Variants in ARL3 observed in about 807,000 individuals in gnomAD.
ARL3 encodes the protein ARF like GTPase 3.
Under a neutral mutation model 26.0 loss-of-function variants are expected in ARL3, and 9 were observed. That is an observed-to-expected ratio of 0.35 (90% CI 0.21 to 0.60). ARL3 has a LOEUF of 0.60. ARL3 is among the 20% of genes least tolerant of loss of function. The pLI, the probability that ARL3 is intolerant of heterozygous loss-of-function variation, is 0.78. For synonymous variants in ARL3, 71 were observed against 78.4 expected, an observed-to-expected ratio of 0.91 and a Z score of 0.50; for missense variants, 158 against 215.7, an observed-to-expected ratio of 0.73 and a Z score of 1.67.
rs544638326 is a variant in ARL3 at position 102,697,180 on chromosome 10, AT to A, written c.264+2192del. Among the ~76,000 whole-genome samples the A allele has an allele frequency of 2.1e-3, 311 of 145,152 alleles. 2 individuals are homozygous for A. Among genetic ancestry groups the A allele is most frequent in the East Asian group, 6.4e-3 (32 of 5,038 alleles). The stretch of plus-strand genomic sequence containing the variant: ...ATATAAATTTTTCAGCTTTATTATA[AT>A]TTTTTTTTTTTTTTGAGAAAGAGAG... On this transcript the variant is annotated intron_variant, in intron 3 of 5. Coordinates refer to ENST00000260746, the MANE Select transcript of ARL3 (RefSeq NM_004311.4).
chr10:102,708,085 T>G lies in ARL3; in HGVS notation c.4-2596A>C, dbSNP rs192399440. Among the ~76,000 whole-genome samples the G allele has an allele frequency of 2.9e-3, 445 of 152,136 alleles. 1 individual carries two copies. Among genetic ancestry groups the G allele is most frequent in the African/African-American group, 0.011 (436 of 41,504 alleles). ...CACACCACCACGCCCCACTAAGTTT[T>G]GTATTTTTTGTAGAGATGGGGTTTT... On this transcript the variant is annotated intron_variant, in intron 1 of 5. Transcript: ENST00000260746.
chr10:102,689,586 C>T (rs1414611169), intron 4 of ARL3, among the ~76,000 whole-genome samples: 3 of 152,010 alleles, frequency 2.0e-5, no homozygotes, highest in African/African-American at 7.2e-5. Flanking sequence ...AATCCCAGCA[C>T]CTTGTGAGGC....
chr10:102,675,020 C>G lies in ARL3; in HGVS notation c.*1874G>C, dbSNP rs891816540. On this transcript the variant is annotated 3_prime_UTR_variant, in exon 6 of 6. Coordinates refer to ENST00000260746, the MANE Select transcript of ARL3 (RefSeq NM_004311.4). ...GCATTTTGCCCCTCAGATAACTTGT[C>G]CCTGCTGAACTATTCGGAAGAAAAA... 6.6e-6 allele frequency: 1 copy of G among 152,210 alleles called. No homozygotes were observed. The highest frequency in any genetic ancestry group is 1.5e-5 in the Non-Finnish European group (1 of 68,042). 9.4% of individuals were successfully genotyped at this position (152,210 alleles called of 1,614,324 possible).
chr10:102,694,788 G>A (rs577816580), intron 3 of ARL3, among the ~76,000 whole-genome samples: 1 of 152,002 alleles, frequency 6.6e-6, no homozygotes, highest in South Asian at 2.1e-4. Context: ...GTGCAATCTC[G>A]GCTCACTGCA....
At chr10:102,700,198 C>G (rs1404365779) in intron 2 of ARL3, among the ~76,000 whole-genome samples, 1 of 152,058 alleles carries the variant, frequency 6.6e-6, no homozygotes, top group Non-Finnish European at 1.5e-5. Context: ...ATCAGGAGGT[C>G]AGGAGTTCGA....
chr10:102,686,003 T>C lies in ARL3; in HGVS notation c.316-2A>G, dbSNP rs1361826951. ...TTCCTCCAGTAATTCCGCTAGTTCC[T>C]GGATTTTGAGAAGGGAGAGGGAGGG... is the stretch of plus-strand genomic sequence containing the variant. On this transcript the variant is annotated splice_acceptor_variant, in intron 4 of 5. Transcript: ENST00000260746. LOFTEE classifies it high-confidence loss of function. 1.2e-6 allele frequency: 2 copies of C among 1,611,554 alleles called. No individual in the cohort carries two copies. The highest frequency in any genetic ancestry group is 1.7e-6 in the Non-Finnish European group (2 of 1,178,524).
intron 3 of ARL3, among the ~76,000 whole-genome samples, chr10:102,695,010 C>T (rs772075925): frequency 1.1e-4 from 17 of 152,210 alleles, no homozygotes; most frequent in East Asian, 3.8e-4. Context: ...TGAGCCACTG[C>T]GCCCGGCCTA....
At chr10:102,707,162 G>T in intron 1 of ARL3, among the ~76,000 whole-genome samples, 1 of 152,194 alleles carries the variant, frequency 6.6e-6, no homozygotes. Context: ...GCCAGGCATG[G>T]TGGCGCAGGC....
chr10:102,686,615 C>T (rs925330053), intron 4 of ARL3, among the ~76,000 whole-genome samples: 2 of 151,826 alleles, frequency 1.3e-5, no homozygotes, highest in African/African-American at 2.4e-5. Context: ...CAGGTGCACA[C>T]TACCATGCCC....
intron 5 of ARL3, among the ~76,000 whole-genome samples, chr10:102,685,061 A>C (rs1468532552): frequency 5.3e-5 from 8 of 151,330 alleles, no homozygotes; most frequent in Admixed American, 5.3e-4. Flanking sequence ...CAGCCTGGTC[A>C]ACATGGCGAA....
intron 5 of ARL3, 127 bp from the exon 6 acceptor site, chr10:102,677,068 G>C: frequency 9.3e-7 from 1 of 1,078,148 alleles, no homozygotes; most frequent in Non-Finnish European, 1.4e-6. Context: ...TAGGGAGTTT[G>C]CTTGGCTCAG....
chr10:102,694,468 G>A lies in ARL3; in HGVS notation c.265-4525C>T, dbSNP rs2064236783. On this transcript the variant is annotated intron_variant, in intron 3 of 5. Transcript: ENST00000260746. ...AGGTTTAAGATCCATTTTGTCAAGG[G>A]CTCTAGGTCGAAGGAAAAAAGAATC... 1.3e-5 allele frequency among the ~76,000 whole-genome samples: 2 copies of A among 152,050 alleles called. 1 individual carries two copies. Among genetic ancestry groups the A allele is most frequent in the South Asian group, 4.1e-4 (2 of 4,832 alleles).
intron 3 of ARL3, among the ~76,000 whole-genome samples, chr10:102,695,415 G>C (rs1255484749): frequency 6.6e-6 from 1 of 152,152 alleles, no homozygotes; most frequent in Non-Finnish European, 1.5e-5. Flanking sequence ...AATTTCAATT[G>C]TTCACTGCTG....
At chr10:102,702,628 C>A (rs974643938) in intron 2 of ARL3, among the ~76,000 whole-genome samples, 1 of 151,944 alleles carries the variant, frequency 6.6e-6, no homozygotes, top group Admixed American at 6.6e-5. Context: ...CAGTTTATTG[C>A]TAATACTAAA....
Position 102,676,197 on chromosome 10 carries a change from C to T in ARL3, c.*697G>A. The T allele has an allele frequency of 1.0e-5, 1 of 97,754 alleles. No homozygotes were observed. The highest frequency in any genetic ancestry group is 3.6e-4 in the South Asian group (1 of 2,782). 6.1% of individuals were successfully genotyped at this position (97,754 alleles called of 1,614,324 possible). A position where few individuals can be genotyped will look rare whatever the true frequency, so the allele number is the denominator to read the frequency against. On this transcript the variant is annotated 3_prime_UTR_variant, in exon 6 of 6. Transcript: ENST00000260746. ...AGAATTTGCTTCTCTGTGTGGCTGG[C>T]TGGGGCAGAGGCAGGGGTGGGTGGG...
At chr10:102,685,171 C>T (rs1018569806) in intron 5 of ARL3, among the ~76,000 whole-genome samples, 1 of 146,030 alleles carries the variant, frequency 6.8e-6, no homozygotes, top group Non-Finnish European at 1.5e-5. Flanking sequence ...ATCACTTGAA[C>T]CTGGAAGGCG....
chr10:102,696,600 G>A (rs755214385), intron 3 of ARL3, among the ~76,000 whole-genome samples: 3 of 152,150 alleles, frequency 2.0e-5, no homozygotes, highest in African/African-American at 7.2e-5. Flanking sequence ...CTGTCCTCAC[G>A]GAGCTTACCT....
At chr10:102,706,102 C>T (rs1369214942) in intron 1 of ARL3, among the ~76,000 whole-genome samples, 1 of 152,022 alleles carries the variant, frequency 6.6e-6, no homozygotes, top group Non-Finnish European at 1.5e-5. Flanking sequence ...ATCTCATGTA[C>T]CCTATAAATA....
At chr10:102,709,381 T>C (rs1466852074) in intron 1 of ARL3, among the ~76,000 whole-genome samples, 1 of 150,950 alleles carries the variant, frequency 6.6e-6, no homozygotes, top group Non-Finnish European at 1.5e-5. Flanking sequence ...GGTTCACACC[T>C]GTAATACCAG....
Sources: gnomAD v4.1 joint callset for allele counts (sites outside exome capture counted in the v4.1 genomes callset) on GRCh38, gnomAD v4.1.1 for gene constraint, MANE v1.5 for transcripts, NCBI Gene and HGNC (gene_info 2026-07-23, HGNC 2026-07-21) for gene names.